AFG1L: variants seen among roughly 807,000 people sequenced by gnomAD.
The protein encoded by AFG1L is AFG1 like ATPase.
In AFG1L, 53 loss-of-function variants were observed where a neutral mutation model predicts 62.2. The ratio of observed to expected loss-of-function variants is 0.85; its 90% confidence interval spans 0.68 to 1.07. The LOEUF (loss-of-function observed/expected upper bound fraction) is 1.07, where lower values mean the gene tolerates loss of function less well. AFG1L is among the 50% of genes least tolerant of loss of function. AFG1L has a pLI of 0.00. For synonymous variants in AFG1L, 228 were observed against 210.3 expected (o/e 1.08, Z -0.73); for missense variants, 555 against 590.5 (o/e 0.94, Z 0.62).
intron 1 of AFG1L, 32 bp from the exon 2 acceptor site, chr6:108,323,793 G>T: frequency 6.6e-7 from 1 of 1,520,094 alleles, no homozygotes; most frequent in South Asian, 1.1e-5. Flanking sequence ...ATGTATTTAA[G>T]AAAGTCTAAA....
At chr6:108,360,965 G>C (rs1054957557) in intron 5 of AFG1L, among the ~76,000 whole-genome samples, 2 of 152,234 alleles carry the variant, frequency 1.3e-5, no homozygotes, top group African/African-American at 4.8e-5. Context: ...CCTCTGTTCT[G>C]AGAGCCCCCA....
At chr6:108,505,218 C>T (rs1004589025) in intron 10 of AFG1L, among the ~76,000 whole-genome samples, 2 of 152,002 alleles carry the variant, frequency 1.3e-5, no homozygotes, top group Non-Finnish European at 2.9e-5. Flanking sequence ...CTCAGCCTCC[C>T]GAGTAGCTGG....
intron 11 of AFG1L, among the ~76,000 whole-genome samples, chr6:108,511,946 C>G (rs983638215): frequency 1.3e-5 from 2 of 152,318 alleles, no homozygotes; most frequent in East Asian, 3.9e-4. Flanking sequence ...TGTAAAATCA[C>G]CACTGTGGGA....
chr6:108,452,041 G>T (rs376976681), intron 8 of AFG1L, among the ~76,000 whole-genome samples: 6 of 152,126 alleles, frequency 3.9e-5, no homozygotes, highest in African/African-American at 1.4e-4. Flanking sequence ...TAGTTGCTTG[G>T]TGAATAGCAC....
intron 1 of AFG1L, among the ~76,000 whole-genome samples, chr6:108,305,350 C>G (rs903551317): frequency 3.3e-5 from 5 of 152,186 alleles, no homozygotes; most frequent in Admixed American, 6.5e-5. Context: ...TACCTTTCCT[C>G]TGGATACTCT....
At chr6:108,329,200 A>G (rs1357881576) in intron 2 of AFG1L, among the ~76,000 whole-genome samples, 2 of 151,932 alleles carry the variant, frequency 1.3e-5, no homozygotes, top group African/African-American at 4.8e-5. Context: ...TTGGCCTCAC[A>G]AAGTGCTGGG....
intron 7 of AFG1L, among the ~76,000 whole-genome samples, chr6:108,418,724 A>G (rs1156415724): frequency 2.6e-5 from 4 of 152,204 alleles, no homozygotes; most frequent in Admixed American, 6.5e-5. Flanking sequence ...TCTTAGAAAT[A>G]TCTTCAATTT....
intron 5 of AFG1L, among the ~76,000 whole-genome samples, chr6:108,365,604 G>A (rs1197615662): frequency 6.6e-6 from 1 of 151,284 alleles, no homozygotes; most frequent in East Asian, 1.9e-4. Flanking sequence ...GTAATAGAAG[G>A]CACTTAAAAA....
At chr6:108,427,825 A>G (rs1462088821) in intron 7 of AFG1L, among the ~76,000 whole-genome samples, 2 of 152,084 alleles carry the variant, frequency 1.3e-5, no homozygotes, top group African/African-American at 4.8e-5. Context: ...CCGGCCTCAA[A>G]ATGGAATTTC....
chr6:108,510,088 A>G (rs1248911381), intron 10 of AFG1L, 124 bp from the exon 11 acceptor site: 6 of 668,988 alleles, frequency 9.0e-6, no homozygotes, highest in Non-Finnish European at 1.5e-5. Flanking sequence ...AACTTGGTCA[A>G]GTTACCCACA....
chr6:108,514,941 G>A lies in AFG1L; in HGVS notation c.1203+4589G>A, dbSNP rs548144044. Among the ~76,000 whole-genome samples the A allele has an allele frequency of 1.1e-4, 16 of 152,328 alleles. 1 individual carries two copies. The South Asian group carries it at 3.3e-3, about 32-fold the overall frequency. On this transcript the variant is annotated intron_variant, in intron 11 of 12. Transcript: ENST00000368977. ...GGTAAAGGGATCAATTCAACAAGAA[G>A]AGCTAACTCTTCTAAATATATATGC...
intron 2 of AFG1L, among the ~76,000 whole-genome samples, chr6:108,337,172 C>T (rs1180121228): frequency 4.6e-5 from 7 of 152,148 alleles, no homozygotes; most frequent in Middle Eastern, 3.2e-3. Context: ...GAATGTAGCA[C>T]GATCTAACCT....
At chr6:108,359,792 C>G (rs1266649611) in intron 5 of AFG1L, 1 of 152,142 alleles carries the variant, frequency 6.6e-6, no homozygotes, top group Non-Finnish European at 1.5e-5. Flanking sequence ...TAATGGAGCT[C>G]CAGTTCCCAT....
At chr6:108,323,382 G>A (rs1263488167) in intron 1 of AFG1L, among the ~76,000 whole-genome samples, 1 of 147,102 alleles carries the variant, frequency 6.8e-6, no homozygotes, top group Non-Finnish European at 1.5e-5. Flanking sequence ...TTTTTTTTTT[G>A]AGACCGAGTG....
intron 11 of AFG1L, among the ~76,000 whole-genome samples, chr6:108,513,211 G>A (rs1435338092): frequency 1.3e-5 from 2 of 152,224 alleles, no homozygotes; most frequent in Non-Finnish European, 2.9e-5. Flanking sequence ...AATGATTTCT[G>A]CATTTCTAAC....
intron 3 of AFG1L, among the ~76,000 whole-genome samples, chr6:108,350,786 G>A (rs1232626549): frequency 6.6e-6 from 1 of 152,160 alleles, no homozygotes; most frequent in Non-Finnish European, 1.5e-5. Flanking sequence ...CTTTCCTGCT[G>A]CCTCCTGGTT....
At chr6:108,296,025 C>T (rs1296278391) in intron 1 of AFG1L, 2 of 152,084 alleles carry the variant, frequency 1.3e-5, no homozygotes, top group Non-Finnish European at 2.9e-5. Flanking sequence ...TTCTCAAATC[C>T]AAGCAACCCC....
chr6:108,446,798 T>C (rs1415122025), intron 7 of AFG1L, among the ~76,000 whole-genome samples: 1 of 152,094 alleles, frequency 6.6e-6, no homozygotes, highest in African/African-American at 2.4e-5. Flanking sequence ...ACCACCATTG[T>C]CCACTCCCAG....
chr6:108,444,163 C>G (rs1041933539), intron 7 of AFG1L, among the ~76,000 whole-genome samples: 1 of 151,974 alleles, frequency 6.6e-6, no homozygotes, highest in African/African-American at 2.4e-5. Context: ...TGCAATACAA[C>G]AGTATTGCAA....
Sources: gnomAD v4.1 joint callset for allele counts (sites outside exome capture counted in the v4.1 genomes callset) on GRCh38, gnomAD v4.1.1 for gene constraint, MANE v1.5 for transcripts, NCBI Gene and HGNC (gene_info 2026-07-23, HGNC 2026-07-21) for gene names.